Variants in CDH3 observed in about 807,000 individuals in gnomAD.
CDH3 encodes the protein cadherin 3.
In CDH3, 54 loss-of-function variants were observed where a neutral mutation model predicts 82.0. The ratio of observed to expected loss-of-function variants is 0.66; its 90% CI spans 0.53 to 0.83. CDH3 has a LOEUF of 0.83. Among genes scored for constraint, CDH3 ranks in the 40% least tolerant of loss-of-function variants. The probability of loss-of-function intolerance (pLI) is 0.00; values close to 1 mark genes in which losing one functional copy is unlikely to be tolerated. For synonymous variants in CDH3, 446 were observed against 437.9 expected (o/e 1.02, Z -0.23); for missense variants, 1,054 against 1,084.6 (o/e 0.97, Z 0.40).
downstream of CDH3, among the ~76,000 whole-genome samples, chr16:68,727,980 G>C (rs1187507734): frequency 6.6e-6 from 1 of 152,116 alleles, no homozygotes; most frequent in Non-Finnish European, 1.5e-5. Context: ...GCTGTATGAA[G>C]ACTGGTGAGA....
At position 68,723,332 on chromosome 16, in the gene CDH3, TTGTC is replaced by T. The variant is rs1255880147; in HGVS notation, c.*45+719_*45+722del. ...TAGCTATAATTAAATCTTCTGTACT[TTGTC>T]TGGAGGTTGAGTCTAAATACTGAAA... is the stretch of plus-strand genomic sequence containing the variant. On this transcript the variant is annotated intron_variant, in intron 2 of 2. Coordinates refer to the CDH3 transcript ENST00000569080. Among the ~76,000 whole-genome samples, 8 of 152,114 alleles carry T rather than the reference TTGTC, an allele frequency of 5.3e-5. No homozygotes were observed. In the East Asian group the frequency reaches 1.5e-3, roughly 29 times the overall value.
chr16:68,715,546 A>G (rs989080108), intron 1 of CDH3, among the ~76,000 whole-genome samples: 2 of 152,168 alleles, frequency 1.3e-5, no homozygotes, highest in Non-Finnish European at 2.9e-5. Flanking sequence ...AGTCCTGCTC[A>G]TCTTCTCCCA....
downstream of CDH3, among the ~76,000 whole-genome samples, chr16:68,732,036 G>A (rs959494868): frequency 2.1e-5 from 3 of 146,106 alleles, no homozygotes; most frequent in Non-Finnish European, 4.5e-5. Flanking sequence ...TTTACTTTGT[G>A]TTTGAAATAA....
chr16:68,685,497 A>G, intron 11 of CDH3, 147 bp downstream of exon 11: 1 of 842,978 alleles, frequency 1.2e-6, no homozygotes, highest in South Asian at 1.4e-5. Context: ...GGGGTCTTTC[A>G]GAGGAGTCTT....
chr16:68,720,884 T>G (rs1181117715), intron 1 of CDH3, among the ~76,000 whole-genome samples: 1 of 152,070 alleles, frequency 6.6e-6, no homozygotes, highest in African/African-American at 2.4e-5. Flanking sequence ...CCTCCCAAAG[T>G]GCTGGGATTA....
At chr16:68,695,949 G>A in intron 15 of CDH3, 26 bp downstream of exon 15, 1 of 1,612,684 alleles carries the variant, frequency 6.2e-7, no homozygotes, top group Non-Finnish European at 8.5e-7. Context: ...CCAGTCGAGG[G>A]CCACCCTTTA....
intron 2 of CDH3, among the ~76,000 whole-genome samples, chr16:68,652,164 C>T (rs1406660683): frequency 6.6e-6 from 1 of 152,098 alleles, no homozygotes; most frequent in Non-Finnish European, 1.5e-5. Context: ...GCCTCCACAG[C>T]CCAGGGAGAT....
At chr16:68,731,379 AAAAAAAAAAAAAAAAAAT>A (rs1216289818), downstream of CDH3, among the ~76,000 whole-genome samples, 43 of 9,552 alleles carry the variant, frequency 4.5e-3, 8 homozygotes, top group Non-Finnish European at 9.1e-3. Context: ...AAAAAAAAAA[AAAAAAAAAAAAAAAAAAT>A]ATATATATAT....
In CDH3 at chr16:68,698,365, C is replaced by T. The variant is rs1961810172; in HGVS notation, c.2455C>T (p.Leu819=). The change falls in exon 16 of 16, where the codon CTG becomes TTG. Residue 819 remains leucine (L), a synonymous_variant. Coordinates refer to ENST00000264012, the MANE Select transcript of CDH3 (RefSeq NM_001793.6). ...CGAGTGGGGCAGCCGCTTCAAGAAGCTGGCAGACATGTACGGTGGCGGGGA... is the reference window on the plus strand; with the variant it reads ...CGAGTGGGGCAGCCGCTTCAAGAAGTTGGCAGACATGTACGGTGGCGGGGA... ...LNEWGSRFKK[L]ADMYGGGEDD 1 of 1,614,134 alleles carries T rather than the reference C, an allele frequency of 6.2e-7. No individual in the cohort carries two copies. The highest frequency in any genetic ancestry group is 1.7e-5 in the Admixed American group (1 of 60,008).
At chr16:68,674,455 A>G (rs1960975740) in intron 2 of CDH3, among the ~76,000 whole-genome samples, 1 of 152,110 alleles carries the variant, frequency 6.6e-6, no homozygotes, top group Admixed American at 6.6e-5. Context: ...TTTTTCGGCC[A>G]GGCATGGTGG....
chr16:68,685,137 A>C, intron 10 of CDH3, 68 bp from the exon 11 acceptor site: 2 of 1,557,310 alleles, frequency 1.3e-6, no homozygotes, highest in Non-Finnish European at 8.8e-7. Flanking sequence ...TGGTATGAGG[A>C]GGCCCTGAAT....
intron 2 of CDH3, among the ~76,000 whole-genome samples, chr16:68,667,510 T>C (rs1960766894): frequency 6.6e-6 from 1 of 152,164 alleles, no homozygotes; most frequent in Non-Finnish European, 1.5e-5. Context: ...TCCAGTAATG[T>C]TGGACATCAG....
At chr16:68,664,048 C>T (rs1039068214) in intron 2 of CDH3, among the ~76,000 whole-genome samples, 1 of 147,316 alleles carries the variant, frequency 6.8e-6, no homozygotes, top group Non-Finnish European at 1.5e-5. Context: ...GGAAACAGGC[C>T]CAGAGAGGTT....
chr16:68,725,970 G>A (rs991387069), intron 2 of CDH3, among the ~76,000 whole-genome samples: 2 of 152,090 alleles, frequency 1.3e-5, no homozygotes, highest in African/African-American at 4.8e-5. Context: ...TGGAAGGATC[G>A]CTTGAGCCCA....
intron 2 of CDH3, among the ~76,000 whole-genome samples, chr16:68,647,215 G>A (rs1414977964): frequency 6.6e-6 from 1 of 152,104 alleles, no homozygotes; most frequent in Non-Finnish European, 1.5e-5. Flanking sequence ...GCTCCCTGAG[G>A]AAGCCTTATT....
intron 8 of CDH3, 106 bp downstream of exon 8, chr16:68,681,202 G>A (rs1961219665): frequency 8.0e-7 from 1 of 1,254,346 alleles, no homozygotes; most frequent in Admixed American, 1.7e-5. Context: ...GCCAGTCTCA[G>A]CACTATGGCT....
At chr16:68,645,992 C>T (rs1204498233) in intron 2 of CDH3, 6 of 543,570 alleles carry the variant, frequency 1.1e-5, no homozygotes, top group Admixed American at 3.3e-5. Context: ...TGACCCCCTC[C>T]TCCGAGATGC....
chr16:68,695,749 T>A (rs998823760), intron 14 of CDH3, 28 bp from the exon 15 acceptor site: 5 of 1,612,962 alleles, frequency 3.1e-6, no homozygotes, highest in Non-Finnish European at 4.2e-6. Context: ...GAGTCCTCAG[T>A]CACCTGCTCT....
chr16:68,701,708 G>A (rs1448510875), downstream of CDH3, among the ~76,000 whole-genome samples: 1 of 151,856 alleles, frequency 6.6e-6, no homozygotes, highest in Non-Finnish European at 1.5e-5. Context: ...ACTATGCCCA[G>A]CTATTCTTTT....
Sources: allele counts gnomAD v4.1 joint callset (sites outside exome capture counted in the v4.1 genomes callset), GRCh38; gene constraint gnomAD v4.1.1; transcripts MANE v1.5; gene names NCBI Gene and HGNC (gene_info 2026-07-23, HGNC 2026-07-21).